The following CFAP52 variants were observed in gnomAD, a reference collection of about 807,000 sequenced individuals.
CFAP52 encodes cilia and flagella associated protein 52.
A neutral mutation model predicts 70.5 loss-of-function variants in CFAP52; 57 were observed. That is an observed-to-expected ratio of 0.81 (90% CI 0.65 to 1.01). The LOEUF is 1.01. Ranked by LOEUF, CFAP52 falls within the 50% of genes least tolerant of loss-of-function variation. The pLI, the probability that CFAP52 is intolerant of heterozygous loss-of-function variation, is 0.00. For missense variants in CFAP52, 785 were observed against 788.5 expected (o/e 1.00, Z 0.05); for synonymous variants, 267 against 292.5 (o/e 0.91, Z 0.89).
chr17:9,603,987 C>T (rs933876241), intron 6 of CFAP52, among the ~76,000 whole-genome samples: 1 of 151,938 alleles, frequency 6.6e-6, no homozygotes. Flanking sequence ...GAATAGAGAG[C>T]CCAAACATGA....
In CFAP52 at chr17:9,598,193, G is replaced by C. The variant is rs779323282; in HGVS notation, c.537-41G>C. 5 of 1,444,166 alleles carry C rather than the reference G, an allele frequency of 3.5e-6. No homozygotes were observed. The South Asian group carries it at 6.0e-5, about 17-fold the overall frequency. The allele number at this position is 1,444,166 out of a possible 1,614,324, so 89.5% of individuals were successfully genotyped here. A position where few individuals can be genotyped will look rare whatever the true frequency, so the allele number is the denominator to read the frequency against. ...GGGATGAAGTGATTATTAAATGGGT[G>C]TCCATTTGATTGTGGTTTTTTGTTT... On this transcript the variant is annotated intron_variant, in intron 4 of 13. Transcript: ENST00000352665.
intron 1 of CFAP52, among the ~76,000 whole-genome samples, chr17:9,579,133 G>T (rs1227066641): frequency 6.6e-6 from 1 of 151,972 alleles, no homozygotes; most frequent in Non-Finnish European, 1.5e-5. Context: ...TTTATTTTTA[G>T]TTTACAAAAG....
At chr17:9,635,836 G>A (rs1910750805) in intron 11 of CFAP52, among the ~76,000 whole-genome samples, 2 of 152,082 alleles carry the variant, frequency 1.3e-5, no homozygotes, top group Admixed American at 1.3e-4. Flanking sequence ...TAACTTACAC[G>A]AATTCAACCC....
At chr17:9,608,349 A>C (rs1165661730) in intron 7 of CFAP52, 130 bp downstream of exon 7, 3 of 711,476 alleles carry the variant, frequency 4.2e-6, no homozygotes, top group Non-Finnish European at 6.4e-6. Flanking sequence ...TGTTAGAATG[A>C]GTAGTTGGAA....
At chr17:9,637,685 T>C (rs1269069589) in intron 11 of CFAP52, among the ~76,000 whole-genome samples, 4 of 152,204 alleles carry the variant, frequency 2.6e-5, no homozygotes, top group Non-Finnish European at 5.9e-5. Context: ...AGTGCTTCTC[T>C]TGCCTCAACC....
chr17:9,606,702 C>T (rs59948460), intron 6 of CFAP52, among the ~76,000 whole-genome samples: 5,120 of 152,228 alleles, frequency 0.034, 95 homozygotes, highest in African/African-American at 0.041. Context: ...TATGTAGCTT[C>T]GAGGCGCTGT....
chr17:9,585,728 C>T (rs781352856), intron 1 of CFAP52, 45 bp from the exon 2 acceptor site: 3 of 1,593,654 alleles, frequency 1.9e-6, no homozygotes, highest in East Asian at 2.2e-5. Flanking sequence ...AATTCCTGGC[C>T]ACTTCTGCAC....
At chr17:9,603,795 C>A (rs1304232989) in intron 6 of CFAP52, among the ~76,000 whole-genome samples, 4 of 152,050 alleles carry the variant, frequency 2.6e-5, no homozygotes, top group Non-Finnish European at 4.4e-5. Context: ...TGTAACAAAC[C>A]CGCATGTTCT....
chr17:9,626,543 G>A (rs1597790275), intron 8 of CFAP52, among the ~76,000 whole-genome samples: 2 of 152,250 alleles, frequency 1.3e-5, no homozygotes, highest in Middle Eastern at 3.4e-3. Context: ...AAAGTTCTTC[G>A]GGGGCATTGA....
chr17:9,636,179 AAAAGAAAG>A (rs60584008), intron 11 of CFAP52, among the ~76,000 whole-genome samples: 7,991 of 98,978 alleles, frequency 0.081, 370 homozygotes, highest in Admixed American at 0.094. Context: ...TGTCTCAAAA[AAAAGAAAG>A]AAAGAAAGAA....
intron 6 of CFAP52, 29 bp from the exon 7 acceptor site, chr17:9,608,090 C>T (rs1397947141): frequency 2.5e-6 from 4 of 1,575,334 alleles, no homozygotes; most frequent in Non-Finnish European, 3.5e-6. Context: ...GATTTTTGTG[C>T]TTTTTCTTAA....
At chr17:9,622,768 A>G (rs1910095176) in intron 8 of CFAP52, among the ~76,000 whole-genome samples, 1 of 152,126 alleles carries the variant, frequency 6.6e-6, no homozygotes, top group Non-Finnish European at 1.5e-5. Flanking sequence ...GACTTATCAC[A>G]CCTATATGAC....
intron 7 of CFAP52, among the ~76,000 whole-genome samples, chr17:9,611,945 CT>C (rs1176409678): frequency 6.6e-6 from 1 of 152,128 alleles, no homozygotes; most frequent in East Asian, 1.9e-4. Context: ...CATCTTCCCC[CT>C]GATTTTAGGA....
At chr17:9,603,954 T>C (rs575027103) in intron 6 of CFAP52, among the ~76,000 whole-genome samples, 60 of 152,222 alleles carry the variant, frequency 3.9e-4, no homozygotes, top group African/African-American at 1.3e-3. Flanking sequence ...GGTGAAAGAA[T>C]AGATAAATGG....
intron 6 of CFAP52, among the ~76,000 whole-genome samples, chr17:9,601,126 G>A (rs1909248322): frequency 6.6e-6 from 1 of 151,978 alleles, no homozygotes; most frequent in South Asian, 2.1e-4. Context: ...CATGGATGAA[G>A]CTGGATACCA....
chr17:9,631,083 A>AAAGAAAGAAAGAAAGG (rs1910515014), intron 9 of CFAP52, among the ~76,000 whole-genome samples: 4 of 29,242 alleles, frequency 1.4e-4, no homozygotes, highest in Non-Finnish European at 3.5e-4. Context: ...AGAAAGAAAG[A>AAAGAAAGAAAGAAAGG]GAAAGAAAGA....
chr17:9,591,095 C>T (rs905466422), intron 3 of CFAP52, among the ~76,000 whole-genome samples: 54 of 118,294 alleles, frequency 4.6e-4, no homozygotes, highest in African/African-American at 1.7e-3. Context: ...TGGAGTGCAA[C>T]GGCATGATCT....
At chr17:9,628,960 G>A in intron 9 of CFAP52, 140 bp downstream of exon 9, 4 of 1,295,784 alleles carry the variant, frequency 3.1e-6, no homozygotes, top group Non-Finnish European at 4.2e-6. Context: ...TTCTAATCTA[G>A]CCTCTCTTTG....
intron 10 of CFAP52, 77 bp downstream of exon 10, chr17:9,633,110 T>G: frequency 6.6e-7 from 1 of 1,505,374 alleles, no homozygotes; most frequent in Non-Finnish European, 8.9e-7. Flanking sequence ...TATTTGCTTT[T>G]AAAAATACAC....
Sources: allele counts gnomAD v4.1 joint callset (sites outside exome capture counted in the v4.1 genomes callset), GRCh38; gene constraint gnomAD v4.1.1; transcripts MANE v1.5; gene names NCBI Gene and HGNC (gene_info 2026-07-23, HGNC 2026-07-21).